ATG7: variants seen among roughly 807,000 people sequenced by gnomAD.
ATG7 encodes the protein ubiquitin-like modifier-activating enzyme ATG7.
Under a neutral mutation model 82.4 loss-of-function variants are expected in ATG7, and 70 were observed. The ratio of observed to expected loss-of-function variants is 0.85; its 90% CI spans 0.70 to 1.04. The LOEUF is 1.04. Ranked by LOEUF, ATG7 falls within the 50% of genes least tolerant of loss-of-function variation. The probability of loss-of-function intolerance (pLI) is 0.00; values close to 1 mark genes in which losing one functional copy is unlikely to be tolerated. For missense variants in ATG7, 792 were observed against 864.3 expected, an observed-to-expected ratio of 0.92 and a Z score of 1.05; for synonymous variants, 287 against 313.0, an observed-to-expected ratio of 0.92 and a Z score of 0.88.
rs750086046 is a variant in ATG7, at chr3:11,298,751, G to A, written c.56G>A (p.Ser19Asn). 4.3e-6 allele frequency: 7 copies of A among 1,614,184 alleles called. 1 individual carries two copies. The highest frequency in any genetic ancestry group is 3.3e-4 in the Middle Eastern group (2 of 6,062). ...TCTAAACTGCAGTTTGCCCCTTTTAGTAGTGCCTTGGATGTTGGGTTTTGG... is the reference window on the plus strand; with the variant it reads ...TCTAAACTGCAGTTTGCCCCTTTTAATAGTGCCTTGGATGTTGGGTTTTGG... Reference protein sequence around the residue: ...GLSKLQFAPFSSALDVGFWHE... With the variant: ...GLSKLQFAPFNSALDVGFWHE... Residue 19 changes from serine to asparagine, a missense_variant, in exon 4 of 21, where the codon AGT becomes AAT. Physicochemically the swap from Ser to Asn is conservative, Grantham distance 46 (BLOSUM62 1). Transcript: ENST00000693202.
intron 14 of ATG7, among the ~76,000 whole-genome samples, chr3:11,350,646 G>A (rs898634480): frequency 2.6e-5 from 4 of 152,090 alleles, no homozygotes; most frequent in Admixed American, 2.0e-4. Flanking sequence ...TTCCATTTCT[G>A]TTACCAAAGC....
chr3:11,516,253 G>A (rs2092278104), intron 20 of ATG7, among the ~76,000 whole-genome samples: 1 of 151,860 alleles, frequency 6.6e-6, no homozygotes, highest in Non-Finnish European at 1.5e-5. Context: ...TAGTTAATGG[G>A]TGCAGCACAC....
At chr3:11,453,613 A>G (rs772657012) in intron 20 of ATG7, among the ~76,000 whole-genome samples, 151 of 152,220 alleles carry the variant, frequency 9.9e-4, no homozygotes, top group Non-Finnish European at 2.0e-3. Flanking sequence ...GTGGGGCGAC[A>G]TCATTTAGCT....
intron 19 of ATG7, among the ~76,000 whole-genome samples, chr3:11,410,170 G>A (rs2080760847): frequency 6.6e-6 from 1 of 152,062 alleles, no homozygotes; most frequent in African/African-American, 2.4e-5. Flanking sequence ...TTGACATCTC[G>A]ACATATTAAG....
At chr3:11,392,542 C>G (rs942877940) in intron 19 of ATG7, among the ~76,000 whole-genome samples, 1 of 151,798 alleles carries the variant, frequency 6.6e-6, no homozygotes, top group Non-Finnish European at 1.5e-5. Context: ...AGAAACAGAA[C>G]GATGGTATTT....
chr3:11,402,494 C>G (rs866614413), intron 19 of ATG7, among the ~76,000 whole-genome samples: 2 of 152,062 alleles, frequency 1.3e-5, no homozygotes, highest in African/African-American at 4.8e-5. Context: ...CCTGAAAAAC[C>G]AGGGTGTGAA....
downstream of ATG7, chr3:11,558,646 G>T: frequency 6.2e-7 from 1 of 1,611,636 alleles, no homozygotes. Flanking sequence ...ACTCAGGGCT[G>T]CTGGATGCTC....
At chr3:11,546,436 T>C (rs868588885) in intron 20 of ATG7, among the ~76,000 whole-genome samples, 2 of 152,190 alleles carry the variant, frequency 1.3e-5, no homozygotes, top group African/African-American at 4.8e-5. Context: ...CTTCCCAAAA[T>C]GTTGGGATTA....
chr3:11,274,616 C>G (rs1175130324), intron 1 of ATG7, among the ~76,000 whole-genome samples: 1 of 152,122 alleles, frequency 6.6e-6, no homozygotes, highest in African/African-American at 2.4e-5. Context: ...GTGAAGGGCC[C>G]TGTGGACAAT....
intron 20 of ATG7, among the ~76,000 whole-genome samples, chr3:11,429,698 A>G (rs1490058572): frequency 6.6e-6 from 1 of 152,048 alleles, no homozygotes; most frequent in Non-Finnish European, 1.5e-5. Context: ...CTCTAATCCT[A>G]GCACTTTGGG....
In ATG7 at chr3:11,426,864, C is replaced by T. The variant is rs373461651; in HGVS notation, c.2017C>T (p.His673Tyr). The change falls in exon 20 of 21, where the codon CAT becomes TAT. Residue 673 changes from histidine to tyrosine, a missense_variant. Physicochemically the swap from His to Tyr is moderately conservative, Grantham distance 83. Transcript: ENST00000693202. ...CCTAGCCAAGGTGTTTAATTCTTCA[C>T]ATTCCTTCTTAGAAGACTTGACTGG... ...NFLAKVFNSS[H>Y]SFLEDLTGLT... is the part of the protein sequence containing the mutation. 4 of 1,612,414 alleles carry T rather than the reference C, an allele frequency of 2.5e-6. No homozygotes were observed. The highest frequency in any genetic ancestry group is 2.7e-5 in the African/African-American group (2 of 74,848).
intron 18 of ATG7, among the ~76,000 whole-genome samples, chr3:11,367,098 T>G (rs2076674735): frequency 6.6e-6 from 1 of 151,822 alleles, no homozygotes; most frequent in South Asian, 2.1e-4. Flanking sequence ...ACTTTAAAAA[T>G]TAATCAGGGT....
chr3:11,329,786 T>C (rs1951386487), intron 9 of ATG7, among the ~76,000 whole-genome samples: 1 of 152,208 alleles, frequency 6.6e-6, no homozygotes, highest in Non-Finnish European at 1.5e-5. Context: ...TTGTCAAAAC[T>C]AAGAAGCCAG....
chr3:11,480,153 G>A lies in ATG7; in HGVS notation c.2079+53227G>A, dbSNP rs192161647. ...TCACTGTGTTAGCCAGCATGGTCTC[G>A]ATCTCCTGACCTCGAGATCCACCTG... On this transcript the variant is annotated intron_variant, in intron 20 of 20. Transcript: ENST00000693202. Among the ~76,000 whole-genome samples, 1,514 of 152,066 alleles carry A rather than the reference G, an allele frequency of 1.0e-2. 11 individuals carry two copies. The highest frequency in any genetic ancestry group is 0.016 in the Non-Finnish European group (1,066 of 67,972).
At chr3:11,540,405 C>G (rs891965128) in intron 20 of ATG7, among the ~76,000 whole-genome samples, 1 of 152,126 alleles carries the variant, frequency 6.6e-6, no homozygotes, top group African/African-American at 2.4e-5. Context: ...ATGTTTCCAT[C>G]GGGTTGTTAT....
intron 19 of ATG7, among the ~76,000 whole-genome samples, chr3:11,407,983 T>G (rs1296552428): frequency 1.3e-5 from 2 of 152,250 alleles, no homozygotes; most frequent in East Asian, 3.8e-4. Flanking sequence ...TAAGCAAACT[T>G]CTGCAGCTGG....
chr3:11,292,374 G>A (rs1323556114), intron 3 of ATG7, among the ~76,000 whole-genome samples: 1 of 151,180 alleles, frequency 6.6e-6, no homozygotes, highest in African/African-American at 2.4e-5. Context: ...ATTCTCCTGC[G>A]TCAGCCTCCC....
chr3:11,276,348 C>T (rs1000500415), intron 1 of ATG7, among the ~76,000 whole-genome samples: 1 of 152,192 alleles, frequency 6.6e-6, no homozygotes, highest in Non-Finnish European at 1.5e-5. Flanking sequence ...GCCTCCTTTG[C>T]CTCAAGGACT....
intron 20 of ATG7, among the ~76,000 whole-genome samples, chr3:11,495,007 G>A (rs1450503377): frequency 6.6e-6 from 1 of 152,144 alleles, no homozygotes; most frequent in African/African-American, 2.4e-5. Flanking sequence ...GGGAGGTGGA[G>A]GTTGCAGTGA....
Sources: gnomAD v4.1 joint callset for allele counts (sites outside exome capture counted in the v4.1 genomes callset) on GRCh38, gnomAD v4.1.1 for gene constraint, MANE v1.5 for transcripts, NCBI Gene and HGNC (gene_info 2026-07-23, HGNC 2026-07-21) for gene names.